The following TRPM6 variants were observed in gnomAD, a reference collection of about 807,000 sequenced individuals.
TRPM6 encodes transient receptor potential cation channel subfamily M member 6, also known as channel kinase 2.
A neutral mutation model predicts 247.6 loss-of-function variants in TRPM6; 111 were observed. That is an observed-to-expected ratio of 0.45 (90% CI 0.38 to 0.52). The LOEUF (loss-of-function observed/expected upper bound fraction) is 0.52, where lower values mean the gene tolerates loss of function less well. Among genes scored for constraint, TRPM6 ranks in the 20% least tolerant of loss-of-function variants. The pLI, the probability that TRPM6 is intolerant of heterozygous loss-of-function variation, is 0.00. For synonymous variants in TRPM6, 892 were observed against 853.8 expected (o/e 1.04, Z -0.78); for missense variants, 2,126 against 2,421.5 (o/e 0.88, Z 2.56).
At position 74,827,949 on chromosome 9, in the gene TRPM6, C is replaced by G. The variant is rs544578313; in HGVS notation, c.670G>C (p.Val224Leu). 6.2e-7 allele frequency: 1 copy of G among 1,613,846 alleles called. No individual in the cohort carries two copies. Among genetic ancestry groups the G allele is most frequent in the African/African-American group, 1.3e-5 (1 of 75,006 alleles). Residue 224 changes from valine to leucine, a missense_variant and splice_region_variant, in exon 7 of 39, where the codon GTG (valine) becomes CTG (leucine). This residue lies in a region of TRPM6 where 1,082 missense variants were observed against 1,307.9 expected (regional missense o/e 0.83). Transcript: ENST00000360774. ...ENQRDLIGKD[V>L]VCLYQTLDNP... Reference sequence around the variant, plus strand: ...TCCAGAGTCTGGTACAGGCACACCACCTGAGAGACAGCAAGGACAAGGGAG... The same window carrying G: ...TCCAGAGTCTGGTACAGGCACACCAGCTGAGAGACAGCAAGGACAAGGGAG...
At position 74,800,263 on chromosome 9, in the gene TRPM6, A is replaced by C. The variant is rs1828272983; in HGVS notation, c.2229T>G (p.Ser743=). The change falls in exon 17 of 39, where the codon TCT becomes TCG. Residue 743 remains serine (S), a synonymous_variant. Coordinates refer to ENST00000360774, the MANE Select transcript of TRPM6 (RefSeq NM_017662.5). The part of the protein sequence containing the change: ...WMGRLKMRKN[S]WLKIIISIIL... ...AGTAAAGTAAATTTACCTTTAACCA[A>C]GAGTTTTTCCTCATTTTCAGCCTCC... 1 of 1,613,954 alleles carries C rather than the reference A, an allele frequency of 6.2e-7. No homozygotes were observed. The highest frequency in any genetic ancestry group is 2.2e-5 in the East Asian group (1 of 44,890).
chr9:74,882,653 T>C (rs919105336), intron 1 of TRPM6, among the ~76,000 whole-genome samples: 33 of 152,156 alleles, frequency 2.2e-4, no homozygotes, highest in African/African-American at 7.5e-4. Flanking sequence ...CCTCATACAC[T>C]GTTGATAGGA....
At chr9:74,807,862 C>T (rs553948938) in intron 14 of TRPM6, among the ~76,000 whole-genome samples, 172 bp downstream of exon 14, 2 of 152,274 alleles carry the variant, frequency 1.3e-5, no homozygotes, top group African/African-American at 4.8e-5. Context: ...GCATCCCAAG[C>T]CAACACTGCA....
Position 74,776,974 on chromosome 9 carries a change from C to T in TRPM6, c.3210-898G>A, listed in dbSNP as rs1192290482. 2.6e-5 allele frequency among the ~76,000 whole-genome samples: 4 copies of T among 152,226 alleles called. No homozygotes were observed. In the South Asian group the frequency reaches 8.3e-4, roughly 32 times the overall value. On this transcript the variant is annotated intron_variant, in intron 23 of 38. Transcript: ENST00000360774. ...AAACACAGATAACCCATAACTTGAA[C>T]AGTGATAAAGAAAAGGAACCAGGAT...
chr9:74,798,109 T>C (rs960887970), intron 17 of TRPM6, among the ~76,000 whole-genome samples: 2 of 152,214 alleles, frequency 1.3e-5, no homozygotes, highest in African/African-American at 2.4e-5. Context: ...AAAGATTTAC[T>C]AAATGCTCTG....
Position 74,860,756 on chromosome 9 carries a change from A to G in TRPM6, c.34-2008T>C, listed in dbSNP as rs116203975. On this transcript the variant is annotated intron_variant, in intron 1 of 38. Transcript: ENST00000360774. ...AATCCGGCTGAGCGCAGTGGCCAAC[A>G]CCTGTAATCCCAGCACTTTGTGAGG... Among the ~76,000 whole-genome samples the G allele has an allele frequency of 5.8e-3, 877 of 152,202 alleles. 2 individuals are homozygous for G. Among genetic ancestry groups the G allele is most frequent in the African/African-American group, 0.02 (843 of 41,536 alleles).
At chr9:74,887,549 C>A in intron 1 of TRPM6, 1 of 1,417,098 alleles carries the variant, frequency 7.1e-7, no homozygotes, top group Non-Finnish European at 9.6e-7. Context: ...TAGGTTTCCG[C>A]TCTGACACCA....
At chr9:74,756,977 A>C (rs1239346974) in intron 27 of TRPM6, among the ~76,000 whole-genome samples, 1 of 151,818 alleles carries the variant, frequency 6.6e-6, no homozygotes, top group Non-Finnish European at 1.5e-5. Context: ...TGGGCAGATC[A>C]CCTGAGGTCA....
At chr9:74,874,098 T>C (rs571506408) in intron 1 of TRPM6, among the ~76,000 whole-genome samples, 3 of 152,028 alleles carry the variant, frequency 2.0e-5, no homozygotes, top group Non-Finnish European at 2.9e-5. Flanking sequence ...TAGCCGGGCA[T>C]GGTGGTACAT....
At chr9:74,804,661 T>C in intron 14 of TRPM6, 1 of 752,136 alleles carries the variant, frequency 1.3e-6, no homozygotes, top group Non-Finnish European at 2.4e-6. Context: ...TCTGTGACTA[T>C]TCAGCAGTTC....
intron 21 of TRPM6, among the ~76,000 whole-genome samples, chr9:74,785,575 T>G (rs982191387): frequency 3.3e-5 from 5 of 152,012 alleles, no homozygotes; most frequent in African/African-American, 9.7e-5. Flanking sequence ...CAAGCTGGAG[T>G]GCAGTGGCGC....
chr9:74,842,238 G>A lies in TRPM6; in HGVS notation c.258C>T (p.His86=). 2 of 1,613,956 alleles carry A rather than the reference G, an allele frequency of 1.2e-6. No individual in the cohort carries two copies. Among genetic ancestry groups the A allele is most frequent in the Non-Finnish European group, 1.7e-6 (2 of 1,180,024 alleles). The change falls in exon 4 of 39, where the codon CAC becomes CAT. Residue 86 remains histidine (H), a synonymous_variant. Coordinates refer to ENST00000360774, the MANE Select transcript of TRPM6 (RefSeq NM_017662.5). ...KESEQWSVEK[H]TTKSPTDTFG... is the part of the protein sequence containing the mutation. ...AAGTATCTGTTGGGCTTTTCGTTGT[G>A]TGCTTTTCAACAGACCATTGTTCAC...
At chr9:74,777,167 G>A (rs1827253797) in intron 23 of TRPM6, among the ~76,000 whole-genome samples, 1 of 152,178 alleles carries the variant, frequency 6.6e-6, no homozygotes, top group Non-Finnish European at 1.5e-5. Context: ...CATTTTTGGG[G>A]CCTGGTCAAT....
At chr9:74,755,573 C>T (rs1301406895) in intron 27 of TRPM6, 100 bp from the exon 28 acceptor site, 2 of 1,438,846 alleles carry the variant, frequency 1.4e-6, no homozygotes, top group East Asian at 4.6e-5. Flanking sequence ...TGTCTGTTAA[C>T]ACTGGCTGCA....
At chr9:74,872,939 A>G (rs1831075517) in intron 1 of TRPM6, among the ~76,000 whole-genome samples, 1 of 152,186 alleles carries the variant, frequency 6.6e-6, no homozygotes, top group Non-Finnish European at 1.5e-5. Context: ...ATCTTTTAAA[A>G]TAAATAAAGT....
intron 28 of TRPM6, among the ~76,000 whole-genome samples, chr9:74,752,598 C>G (rs979507217): frequency 2.6e-5 from 4 of 152,156 alleles, no homozygotes; most frequent in African/African-American, 9.7e-5. Context: ...ACATTTATAA[C>G]AACTTACACT....
At chr9:74,827,624 G>GGA in intron 7 of TRPM6, 154 bp downstream of exon 7, 1 of 761,882 alleles carries the variant, frequency 1.3e-6, no homozygotes, top group Admixed American at 2.0e-5. Flanking sequence ...AGAGAGGAGG[G>GGA]GAGATGCCCA....
intron 13 of TRPM6, among the ~76,000 whole-genome samples, chr9:74,808,821 A>G (rs1828626129): frequency 6.6e-6 from 1 of 152,242 alleles, no homozygotes; most frequent in Non-Finnish European, 1.5e-5. Context: ...TCAATACCAA[A>G]ACATGAGGCT....
At chr9:74,819,106 G>A (rs991271401) in intron 9 of TRPM6, among the ~76,000 whole-genome samples, 1 of 152,028 alleles carries the variant, frequency 6.6e-6, no homozygotes, top group African/African-American at 2.4e-5. Flanking sequence ...CCAGGAGTTC[G>A]AGACCAGCTT....
Sources: gnomAD v4.1 joint callset for allele counts (sites outside exome capture counted in the v4.1 genomes callset) on GRCh38, gnomAD v4.1.1 for gene constraint, gnomAD v4.1.1 regional missense constraint, MANE v1.5 for transcripts, NCBI Gene and HGNC (gene_info 2026-07-23, HGNC 2026-07-21) for gene names.